The following SRPRB variants were observed in gnomAD, a reference collection of about 807,000 sequenced individuals.
The protein encoded by SRPRB is SRP receptor subunit beta, also known as signal recognition particle receptor subunit beta.
In SRPRB, 20 loss-of-function variants were observed where a neutral mutation model predicts 31.9. That is an observed-to-expected ratio of 0.63 (90% CI 0.44 to 0.91). The LOEUF is 0.91. Among genes scored for constraint, SRPRB ranks in the 40% least tolerant of loss-of-function variants. SRPRB has a pLI of 0.00. For missense variants in SRPRB, 321 were observed against 324.9 expected (o/e 0.99, Z 0.09); for synonymous variants, 146 against 132.8 (o/e 1.10, Z -0.68).
At chr3:133,827,746 ACC>A (rs55951806), downstream of SRPRB, 882 of 73,498 alleles carry the variant, frequency 0.012, 20 homozygotes, top group African/African-American at 0.035. Flanking sequence ...TGCAGACAAC[ACC>A]CCCCCCCCCC....
chr3:133,822,069 C>T (rs1935482949), downstream of SRPRB, among the ~76,000 whole-genome samples: 1 of 151,968 alleles, frequency 6.6e-6, no homozygotes, highest in South Asian at 2.1e-4. Context: ...AGGTGGTGCC[C>T]TTTTGTGGCC....
intron 1 of SRPRB, chr3:133,784,484 AATAAT>A (rs1265959456): frequency 1.4e-5 from 2 of 139,340 alleles, no homozygotes; most frequent in East Asian, 2.1e-4. Context: ...TAATAATAAT[AATAAT>A]AATAATAATA....
chr3:133,808,908 T>C, intron 3 of SRPRB, among the ~76,000 whole-genome samples: 2 of 147,404 alleles, frequency 1.4e-5, no homozygotes, highest in South Asian at 4.4e-4. Context: ...AAAAAAAATA[T>C]AAGGAATCAT....
chr3:133,814,413 G>A lies in SRPRB; in HGVS notation c.411-1177G>A, dbSNP rs141780564. Among the ~76,000 whole-genome samples, 49 of 151,632 alleles carry A rather than the reference G, an allele frequency of 3.2e-4. 1 individual carries two copies. The East Asian group carries it at 9.6e-3, about 30-fold the overall frequency. On this transcript the variant is annotated intron_variant, in intron 4 of 6. Coordinates refer to ENST00000678299, the MANE Select transcript of SRPRB (RefSeq NM_001379313.1). ...CCCAAAGTGCTGGGATTACAGGCGT[G>A]AGCCACCGCGCCTGGCCGGTTTTTT...
intron 1 of SRPRB, chr3:133,790,616 T>G (rs1383553619): frequency 6.6e-6 from 1 of 152,236 alleles, no homozygotes; most frequent in African/African-American, 2.4e-5. Context: ...TTAGTCTTGA[T>G]AAAAGTAAAA....
chr3:133,808,768 G>A (rs550346896), intron 3 of SRPRB, among the ~76,000 whole-genome samples: 40 of 151,388 alleles, frequency 2.6e-4, no homozygotes, highest in Middle Eastern at 3.4e-3. Flanking sequence ...GTGGGCGCCT[G>A]TAACCCAGCT....
intron 3 of SRPRB, among the ~76,000 whole-genome samples, chr3:133,809,905 A>G (rs1207925565): frequency 1.3e-5 from 2 of 152,210 alleles, no homozygotes; most frequent in Non-Finnish European, 2.9e-5. Flanking sequence ...ATTTAAAATT[A>G]CATATGTGGC....
chr3:133,804,404 C>G (rs1438148962), upstream of SRPRB, among the ~76,000 whole-genome samples: 3 of 151,926 alleles, frequency 2.0e-5, no homozygotes, highest in Admixed American at 1.3e-4. Flanking sequence ...ACTACGCATG[C>G]CATAGTCAAC....
intron 4 of SRPRB, among the ~76,000 whole-genome samples, chr3:133,815,015 A>G (rs1935342173): frequency 6.6e-6 from 1 of 152,138 alleles, no homozygotes; most frequent in Non-Finnish European, 1.5e-5. Flanking sequence ...CCTGTGTACC[A>G]GCTTACCTTG....
intron 3 of SRPRB, 43 bp from the exon 4 acceptor site, chr3:133,811,074 T>C: frequency 1.9e-6 from 3 of 1,593,902 alleles, no homozygotes; most frequent in Non-Finnish European, 1.7e-6. Context: ...ATTGTGAACG[T>C]GGAACTGTAT....
downstream of SRPRB, chr3:133,827,795 T>C: frequency 7.1e-6 from 2 of 281,394 alleles, no homozygotes; most frequent in Non-Finnish European, 7.2e-6. Flanking sequence ...CTCCAGGTGG[T>C]CCAGCTTCCC....
At chr3:133,805,742 A>C (rs1299122763), upstream of SRPRB, 4 of 1,420,984 alleles carry the variant, frequency 2.8e-6, no homozygotes, top group Middle Eastern at 4.1e-4. Context: ...GCTGAGGGAG[A>C]GACTATGGCT....
chr3:133,806,798 C>A, intron 2 of SRPRB, 95 bp downstream of exon 2: 1 of 960,502 alleles, frequency 1.0e-6, no homozygotes, highest in Non-Finnish European at 1.6e-6. Context: ...GTAAAAGAAG[C>A]TGATGCTGTT....
intron 1 of SRPRB, chr3:133,792,777 T>C (rs535983607): frequency 6.6e-6 from 1 of 152,238 alleles, no homozygotes; most frequent in African/African-American, 2.4e-5. Flanking sequence ...AAGCTAAAAG[T>C]TTGAATGAGT....
chr3:133,790,414 A>G (rs1029096794), intron 1 of SRPRB: 1 of 152,236 alleles, frequency 6.6e-6, no homozygotes, highest in Non-Finnish European at 1.5e-5. Flanking sequence ...AGTGAGAAAA[A>G]GAATAATTTA....
intron 1 of SRPRB, among the ~76,000 whole-genome samples, chr3:133,796,946 G>T (rs564567672): frequency 6.6e-6 from 1 of 152,176 alleles, no homozygotes; most frequent in East Asian, 1.9e-4. Context: ...AGTGCAAAGG[G>T]CTTTATATCA....
intron 1 of SRPRB, among the ~76,000 whole-genome samples, chr3:133,798,444 A>T (rs1251840194): frequency 6.6e-6 from 1 of 152,178 alleles, no homozygotes; most frequent in Non-Finnish European, 1.5e-5. Flanking sequence ...CATTATACTT[A>T]GTGTATTCTG....
chr3:133,786,850 T>A (rs1336529273), intron 1 of SRPRB: 1 of 152,254 alleles, frequency 6.6e-6, no homozygotes, highest in Non-Finnish European at 1.5e-5. Flanking sequence ...ACATCTTATC[T>A]ATGTAGATGT....
intron 4 of SRPRB, among the ~76,000 whole-genome samples, chr3:133,812,611 G>A (rs992170883): frequency 6.6e-6 from 1 of 151,936 alleles, no homozygotes; most frequent in Admixed American, 6.5e-5. Context: ...TTCTGGCTTC[G>A]CCAAGTTTCC....
Sources: gnomAD v4.1 joint callset for allele counts (sites outside exome capture counted in the v4.1 genomes callset) on GRCh38, gnomAD v4.1.1 for gene constraint, MANE v1.5 for transcripts, NCBI Gene and HGNC (gene_info 2026-07-23, HGNC 2026-07-21) for gene names.